Variants in MEIOSIN observed in about 807,000 individuals in gnomAD.
MEIOSIN encodes meiosis initiator.
Under a neutral mutation model 23.4 loss-of-function variants are expected in MEIOSIN, and 18 were observed. The ratio of observed to expected loss-of-function variants is 0.77; its 90% CI spans 0.53 to 1.14. MEIOSIN has a LOEUF of 1.14. MEIOSIN is among the 50% of genes most tolerant of loss of function. The pLI is 0.00. For missense variants in MEIOSIN, 428 were observed against 242.9 expected, an observed-to-expected ratio of 1.76 and a Z score of -5.07; for synonymous variants, 187 against 100.6, an observed-to-expected ratio of 1.86 and a Z score of -5.14.
intron 4 of MEIOSIN, among the ~76,000 whole-genome samples, chr19:45,747,567 A>G (rs1968617098): frequency 6.6e-6 from 1 of 152,214 alleles, no homozygotes; most frequent in South Asian, 2.1e-4. Flanking sequence ...AAGAGCAGAG[A>G]GCAGACAGCA....
At chr19:45,750,822 A>T in intron 5 of MEIOSIN, 36 bp downstream of exon 5, 1 of 575,164 alleles carries the variant, frequency 1.7e-6, no homozygotes, top group Non-Finnish European at 3.1e-6. Flanking sequence ...GGTGCCTGTG[A>T]TGTTCCAAGT....
intron 3 of MEIOSIN, among the ~76,000 whole-genome samples, chr19:45,743,922 G>T (rs568819990): frequency 6.6e-6 from 1 of 152,260 alleles, no homozygotes; most frequent in South Asian, 2.1e-4. Context: ...CTCCCAAAGT[G>T]CTGGGATTAC....
intron 1 of MEIOSIN, among the ~76,000 whole-genome samples, chr19:45,734,286 A>G (rs530038973): frequency 6.6e-6 from 1 of 151,942 alleles, no homozygotes; most frequent in Non-Finnish European, 1.5e-5. Flanking sequence ...TGGGGCCACA[A>G]TTTGAGGGAC....
At chr19:45,743,619 T>G (rs1195673884) in intron 3 of MEIOSIN, among the ~76,000 whole-genome samples, 2 of 152,114 alleles carry the variant, frequency 1.3e-5, no homozygotes, top group Non-Finnish European at 2.9e-5. Context: ...CCTCCTAGGC[T>G]CAAGCAATTC....
intron 4 of MEIOSIN, among the ~76,000 whole-genome samples, chr19:45,748,801 G>T (rs1217308389): frequency 2.6e-5 from 4 of 152,168 alleles, no homozygotes; most frequent in Non-Finnish European, 5.9e-5. Context: ...GGGTGCAGTG[G>T]CTCACACATG....
intron 4 of MEIOSIN, among the ~76,000 whole-genome samples, chr19:45,747,481 T>G (rs1439628305): frequency 6.6e-6 from 1 of 152,160 alleles, no homozygotes; most frequent in Non-Finnish European, 1.5e-5. Flanking sequence ...CTTCCTTGTT[T>G]CCGACCTCCT....
chr19:45,760,674 C>T (rs1332663627), intron 11 of MEIOSIN, among the ~76,000 whole-genome samples: 1 of 150,540 alleles, frequency 6.6e-6, no homozygotes, highest in Non-Finnish European at 1.5e-5. Flanking sequence ...CATGCCTATA[C>T]TTCTAGCACT....
chr19:45,752,470 G>A (rs2146190615), intron 5 of MEIOSIN, among the ~76,000 whole-genome samples: 1 of 152,178 alleles, frequency 6.6e-6, no homozygotes, highest in East Asian at 1.9e-4. Context: ...GCCTCCTAAA[G>A]TGCTGGGATG....
At position 45,736,850 on chromosome 19, in the gene MEIOSIN, C is replaced by T. The variant is rs368568581; in HGVS notation, c.71+1403C>T. Among the ~76,000 whole-genome samples, 5 of 150,470 alleles carry T rather than the reference C, an allele frequency of 3.3e-5. No homozygotes were observed. The East Asian group carries it at 5.9e-4, about 18-fold the overall frequency. On this transcript the variant is annotated intron_variant, in intron 2 of 14. Transcript: ENST00000457052. ...CCTCCCAAAGTGCTGGGATTACAGGCGTGAGCCACTGCGCCCAGCCTTTTT... is the reference window on the plus strand; with the variant it reads ...CCTCCCAAAGTGCTGGGATTACAGGTGTGAGCCACTGCGCCCAGCCTTTTT...
At chr19:45,752,401 A>C (rs1409607349) in intron 5 of MEIOSIN, among the ~76,000 whole-genome samples, 2 of 151,784 alleles carry the variant, frequency 1.3e-5, no homozygotes, top group African/African-American at 2.4e-5. Flanking sequence ...TTTTTAGTAG[A>C]GACAGGATTT....
Position 45,761,834 on chromosome 19 carries a change from C to A in MEIOSIN, c.1401C>A (p.Asp467Glu). 1 of 579,518 alleles carries A rather than the reference C, an allele frequency of 1.7e-6. No homozygotes were observed. Among genetic ancestry groups the A allele is most frequent in the Admixed American group, 3.1e-5 (1 of 32,624 alleles). The allele number at this position is 579,518 out of a possible 1,614,324, so 35.9% of individuals were successfully genotyped here. ...CCAGCTCCAGCTCCAGCTCGGAGGA[C>A]AGCGACTCGGAGCCCCTGTGGAAGC... ...SSSSSSSSSE[D>E]SDSEPLWKQR... Residue 467 changes from aspartate (D) to glutamate (E), a missense_variant, in exon 12 of 15, where the codon GAC becomes GAA. Asp to Glu is a conservative substitution (Grantham distance 45, BLOSUM62 2). Coordinates refer to ENST00000457052, the MANE Select transcript of MEIOSIN (RefSeq NM_001310124.2).
chr19:45,750,633 A>C (rs1432269739), intron 4 of MEIOSIN, 42 bp from the exon 5 acceptor site: 2 of 498,388 alleles, frequency 4.0e-6, no homozygotes, highest in South Asian at 2.9e-5. Context: ...TGCTGTGATT[A>C]CAGGCGTGAG....
chr19:45,737,144 C>G (rs1968421867), intron 2 of MEIOSIN, among the ~76,000 whole-genome samples: 2 of 151,568 alleles, frequency 1.3e-5, no homozygotes, highest in African/African-American at 4.8e-5. Context: ...GCTAGGATTA[C>G]AGGTGTGAGT....
At chr19:45,752,392 T>C (rs2146190538) in intron 5 of MEIOSIN, among the ~76,000 whole-genome samples, 1 of 151,832 alleles carries the variant, frequency 6.6e-6, no homozygotes, top group East Asian at 1.9e-4. Flanking sequence ...ATTTTTATAT[T>C]TTTAGTAGAG....
chr19:45,762,349 T>C (rs1019148202), intron 13 of MEIOSIN, among the ~76,000 whole-genome samples, 166 bp downstream of exon 13: 3 of 152,094 alleles, frequency 2.0e-5, no homozygotes, highest in African/African-American at 7.2e-5. Flanking sequence ...CCGGCCCCAT[T>C]GTATTGGACA....
intron 6 of MEIOSIN, 76 bp downstream of exon 6, chr19:45,753,864 T>C: frequency 3.1e-6 from 2 of 643,428 alleles, no homozygotes; most frequent in African/African-American, 1.8e-5. Context: ...GGGATGTCCT[T>C]ACTCTGGGGG....
intron 9 of MEIOSIN, among the ~76,000 whole-genome samples, chr19:45,757,985 T>A (rs1324498353): frequency 6.8e-6 from 1 of 146,882 alleles, no homozygotes; most frequent in Non-Finnish European, 1.5e-5. Flanking sequence ...GTGCCCCTGC[T>A]CCCGACCTCA....
At chr19:45,759,516 A>C (rs1308341101) in intron 11 of MEIOSIN, 26 bp downstream of exon 11, 2 of 702,592 alleles carry the variant, frequency 2.8e-6, no homozygotes, top group African/African-American at 3.5e-5. Flanking sequence ...CCCTCTGTCC[A>C]CAGACACATC....
intron 3 of MEIOSIN, among the ~76,000 whole-genome samples, chr19:45,740,900 C>T (rs1291965255): frequency 6.6e-6 from 1 of 151,942 alleles, no homozygotes; most frequent in Non-Finnish European, 1.5e-5. Context: ...GAGCAGCTAT[C>T]CCAAGACCTT....
Sources: allele counts gnomAD v4.1 joint callset (sites outside exome capture counted in the v4.1 genomes callset), GRCh38; gene constraint gnomAD v4.1.1; transcripts MANE v1.5; gene names NCBI Gene and HGNC (gene_info 2026-07-23, HGNC 2026-07-21).